The following DENND1A variants were observed in gnomAD, a reference collection of about 807,000 sequenced individuals.
The protein encoded by DENND1A is DENN domain containing 1A.
A neutral mutation model predicts 113.7 loss-of-function variants in DENND1A; 51 were observed. The ratio of observed to expected loss-of-function variants is 0.45; its 90% confidence interval spans 0.36 to 0.57. DENND1A has a LOEUF of 0.57. Among genes scored for constraint, DENND1A ranks in the 20% least tolerant of loss-of-function variants. The pLI is 0.00. For synonymous variants in DENND1A, 565 were observed against 570.8 expected (o/e 0.99, Z 0.14); for missense variants, 1,258 against 1,395.9 (o/e 0.90, Z 1.57).
chr9:123,885,033 A>T (rs866101922), intron 1 of DENND1A, among the ~76,000 whole-genome samples: 2 of 128,374 alleles, frequency 1.6e-5, no homozygotes, highest in Non-Finnish European at 3.2e-5. Flanking sequence ...ACACACACTC[A>T]CTCTCTCTCT....
intron 13 of DENND1A, among the ~76,000 whole-genome samples, chr9:123,548,310 C>G (rs1043545068): frequency 1.3e-5 from 2 of 152,192 alleles, no homozygotes; most frequent in African/African-American, 4.8e-5. Context: ...TTTACACTCC[C>G]CCATCAATGA....
intron 2 of DENND1A, among the ~76,000 whole-genome samples, chr9:123,867,000 T>G (rs558390810): frequency 1.4e-4 from 22 of 152,346 alleles, no homozygotes; most frequent in Non-Finnish European, 3.1e-4. Context: ...GGCTTCGTGA[T>G]AGCAGAAAAT....
chr9:123,729,034 G>A (rs970920978), intron 5 of DENND1A, among the ~76,000 whole-genome samples: 2 of 152,122 alleles, frequency 1.3e-5, no homozygotes, highest in Non-Finnish European at 2.9e-5. Flanking sequence ...TATCTTAACA[G>A]ATGCAGAAAA....
chr9:123,810,390 G>C (rs1198845747), intron 2 of DENND1A, among the ~76,000 whole-genome samples: 1 of 152,004 alleles, frequency 6.6e-6, no homozygotes. Context: ...TATTGGGGAA[G>C]GCAGGTACAC....
At chr9:123,793,367 C>T (rs1284878897) in intron 2 of DENND1A, among the ~76,000 whole-genome samples, 1 of 152,146 alleles carries the variant, frequency 6.6e-6, no homozygotes, top group Admixed American at 6.5e-5. Flanking sequence ...CCAATGCCAT[C>T]TTCTGTAAGT....
chr9:123,900,962 A>AT, intron 1 of DENND1A, among the ~76,000 whole-genome samples: 1 of 152,348 alleles, frequency 6.6e-6, no homozygotes, highest in East Asian at 1.9e-4. Flanking sequence ...AATATAAACT[A>AT]TTTGGAATAA....
At chr9:123,673,223 G>A (rs192807981) in intron 6 of DENND1A, among the ~76,000 whole-genome samples, 1 of 152,184 alleles carries the variant, frequency 6.6e-6, no homozygotes, top group Non-Finnish European at 1.5e-5. Context: ...TAACCATTTT[G>A]TGGATTCACA....
At chr9:123,918,657 A>C (rs923363705) in intron 1 of DENND1A, among the ~76,000 whole-genome samples, 6 of 152,162 alleles carry the variant, frequency 3.9e-5, no homozygotes, top group African/African-American at 1.4e-4. Flanking sequence ...TGTTTAAAAA[A>C]TTAATAAAAT....
At chr9:123,877,753 C>T (rs1847721572) in intron 2 of DENND1A, among the ~76,000 whole-genome samples, 1 of 151,364 alleles carries the variant, frequency 6.6e-6, no homozygotes, top group African/African-American at 2.4e-5. Flanking sequence ...ACCCAGGAGG[C>T]GGAAGCTGCA....
chr9:123,388,747 G>T (rs944921794), intron 21 of DENND1A, among the ~76,000 whole-genome samples: 45 of 152,286 alleles, frequency 3.0e-4, no homozygotes, highest in Admixed American at 1.6e-3. Context: ...TACTGACCAG[G>T]GCCCACCAGA....
At chr9:123,576,678 C>T (rs189335017) in intron 12 of DENND1A, among the ~76,000 whole-genome samples, 11 of 152,150 alleles carry the variant, frequency 7.2e-5, no homozygotes, top group South Asian at 2.1e-4. Context: ...TTTGTAGAGA[C>T]GGGGTTTCAC....
chr9:123,397,168 C>CT (rs891717366), intron 21 of DENND1A, among the ~76,000 whole-genome samples: 9 of 151,408 alleles, frequency 5.9e-5, no homozygotes, highest in South Asian at 4.2e-4. Flanking sequence ...TTTCCTTTTT[C>CT]TTTTTTTTTA....
intron 2 of DENND1A, among the ~76,000 whole-genome samples, chr9:123,808,529 C>T (rs181178559): frequency 3.3e-5 from 5 of 152,000 alleles, no homozygotes; most frequent in Admixed American, 2.0e-4. Flanking sequence ...TACAGGCAAA[C>T]GCCACTATGC....
chr9:123,837,877 G>A (rs1351607519), intron 2 of DENND1A, among the ~76,000 whole-genome samples: 1 of 152,192 alleles, frequency 6.6e-6, no homozygotes, highest in African/African-American at 2.4e-5. Flanking sequence ...TCCTGCACAT[G>A]TTGTGGCAAA....
chr9:123,808,117 T>C (rs1034839950), intron 2 of DENND1A, among the ~76,000 whole-genome samples: 3 of 151,716 alleles, frequency 2.0e-5, no homozygotes, highest in Non-Finnish European at 4.4e-5. Context: ...TCCCAACTAC[T>C]CAGGAGGCTG....
chr9:123,598,323 A>G (rs1003974829), intron 11 of DENND1A, among the ~76,000 whole-genome samples: 3 of 152,142 alleles, frequency 2.0e-5, no homozygotes, highest in African/African-American at 7.2e-5. Context: ...CCCCAAGTCC[A>G]GTTGTGCAGC....
chr9:123,708,305 T>C (rs556552439), intron 5 of DENND1A, among the ~76,000 whole-genome samples: 2 of 152,294 alleles, frequency 1.3e-5, no homozygotes, highest in Admixed American at 6.5e-5. Flanking sequence ...TAGGAAAGAA[T>C]ATATGTAATA....
intron 5 of DENND1A, among the ~76,000 whole-genome samples, chr9:123,742,659 T>TC (rs1370962833): frequency 6.6e-6 from 1 of 152,052 alleles, no homozygotes; most frequent in Non-Finnish European, 1.5e-5. Flanking sequence ...TGCAGACAGC[T>TC]CCCCAGGGGC....
chr9:123,646,794 G>A (rs1331221877), intron 9 of DENND1A, among the ~76,000 whole-genome samples: 1 of 152,110 alleles, frequency 6.6e-6, no homozygotes, highest in Non-Finnish European at 1.5e-5. Context: ...CTATGGCAAT[G>A]TCACGATAAA....
Sources: allele counts gnomAD v4.1 joint callset (sites outside exome capture counted in the v4.1 genomes callset), GRCh38; gene constraint gnomAD v4.1.1; transcripts MANE v1.5; gene names NCBI Gene and HGNC (gene_info 2026-07-23, HGNC 2026-07-21).